Variants in PFKFB2 observed in about 807,000 individuals in gnomAD.
PFKFB2 encodes the protein 6-phosphofructo-2-kinase/fructose-2,6-biphosphatase 2, also known as 6-phosphofructo-2-kinase/fructose-2,6-bisphosphatase 2.
PFKFB2 carries 53 observed loss-of-function variants against 68.0 expected under a neutral mutation model. That is an observed-to-expected ratio of 0.78 (90% CI 0.63 to 0.98). PFKFB2 has a LOEUF of 0.98. Ranked by LOEUF, PFKFB2 falls within the 50% of genes least tolerant of loss-of-function variation. The pLI is 0.00. For missense variants in PFKFB2, 451 were observed against 642.0 expected, an observed-to-expected ratio of 0.70 and a Z score of 3.22; for synonymous variants, 222 against 227.6, an observed-to-expected ratio of 0.98 and a Z score of 0.22.
In PFKFB2 at chr1:207,069,183, A is replaced by C. The variant is rs555258430; in HGVS notation, c.988-241A>C. 3.9e-5 allele frequency among the ~76,000 whole-genome samples: 6 copies of C among 152,058 alleles called. No individual in the cohort carries two copies. In the South Asian group the frequency reaches 8.3e-4, roughly 21 times the overall value. ...TGACCTGTAAGTTCCCCCCAGTAGT[A>C]GGAGAATGTGGTAGCTTGAGCTAGA... On this transcript the variant is annotated intron_variant, in intron 10 of 14. Transcript: ENST00000367080.
At chr1:207,067,475 T>G (rs759496504) in intron 8 of PFKFB2, 24 bp from the exon 9 acceptor site, 4 of 1,556,064 alleles carry the variant, frequency 2.6e-6, no homozygotes, top group East Asian at 2.2e-5. Context: ...CCTAGGGAAT[T>G]TTTTTTTTCC....
intron 1 of PFKFB2, among the ~76,000 whole-genome samples, chr1:207,036,817 C>T (rs1372956783): frequency 6.6e-6 from 1 of 152,186 alleles, no homozygotes; most frequent in South Asian, 2.1e-4. Context: ...TCATTTTGAC[C>T]TTTCTCCTAA....
Position 207,063,888 on chromosome 1 carries a change from GGTGTGT to G in PFKFB2, c.507+82_507+87del, listed in dbSNP as rs57138984. The stretch of plus-strand genomic sequence containing the variant: ...ACCTTTTGTGCTGTGTGTGTTGTGG[GGTGTGT>G]GTGTGTGTGTGTGTGTGTGTGTTGT... On this transcript the variant is annotated intron_variant, in intron 7 of 14. Coordinates refer to ENST00000367080, the MANE Select transcript of PFKFB2 (RefSeq NM_006212.2). The surrounding 1 kb of genome is among the most constrained non-coding windows in gnomAD (Gnocchi z 4.1). The G allele has an allele frequency of 1.2e-4, 122 of 1,015,796 alleles. No individual in the cohort carries two copies. Among genetic ancestry groups the G allele is most frequent in the Admixed American group, 2.5e-4 (14 of 56,200 alleles). The allele number at this position is 1,015,796 out of a possible 1,614,324, so 62.9% of individuals were successfully genotyped here.
rs571265702 is a variant in PFKFB2 at position 207,077,692 on chromosome 1, G to A, written c.*5321G>A. 7.1e-6 allele frequency: 7 copies of A among 985,632 alleles called. No homozygotes were observed. Among genetic ancestry groups the A allele is most frequent in the African/African-American group, 3.5e-5 (2 of 57,312 alleles). The allele number at this position is 985,632 out of a possible 1,614,324, so 61.1% of individuals were successfully genotyped here. ...TCTTTAGCAACATTCTGATTTAATC[G>A]GGTGACACTGATAACAAAGTATGCC... On this transcript the variant is annotated 3_prime_UTR_variant, in exon 15 of 15. Coordinates refer to ENST00000367080, the MANE Select transcript of PFKFB2 (RefSeq NM_006212.2).
At chr1:207,051,196 C>T, upstream of PFKFB2, 2 of 1,342,260 alleles carry the variant, frequency 1.5e-6, no homozygotes, top group Non-Finnish European at 1.9e-6. Context: ...GTCTTGCTAC[C>T]TATAGAGCGA....
chr1:207,072,333 C>G lies in PFKFB2; in HGVS notation c.1480C>G (p.Pro494Ala). Residue 494 changes from proline (P) to alanine (A), a missense_variant, in exon 15 of 15, where the codon CCT (proline) becomes GCT (alanine). Transcript: ENST00000367080. The stretch of plus-strand genomic sequence containing the variant: ...GAGCCGGCCCCTCAAGCCCCTCAGC[C>G]CTCTCCGTGCCCAGGACATGCAAGA... ...VGSRPLKPLS[P>A]LRAQDMQEGA... 2 of 1,614,116 alleles carry G rather than the reference C, an allele frequency of 1.2e-6. No individual in the cohort carries two copies. The highest frequency in any genetic ancestry group is 1.7e-6 in the Non-Finnish European group (2 of 1,179,990).
At chr1:207,052,326 G>A (rs1441070802), upstream of PFKFB2, 9 of 1,115,408 alleles carry the variant, frequency 8.1e-6, no homozygotes, top group African/African-American at 1.2e-4. Flanking sequence ...GATACAGCCT[G>A]GGTTAGGGGG....
At chr1:207,041,656 C>T (rs985548565) in intron 1 of PFKFB2, among the ~76,000 whole-genome samples, 1 of 152,126 alleles carries the variant, frequency 6.6e-6, no homozygotes, top group African/African-American at 2.4e-5. Context: ...GGGTTGGTTC[C>T]AAGTCTTTGC....
At chr1:207,044,779 C>T (rs1682553819) in intron 2 of PFKFB2, 2 of 152,458 alleles carry the variant, frequency 1.3e-5, no homozygotes, top group Admixed American at 1.3e-4. Flanking sequence ...ATTTGACAAT[C>T]TCTTCTTTAT....
chr1:207,067,640 A>G lies in PFKFB2; in HGVS notation c.774A>G (p.Gly258=). The change falls in exon 9 of 15, where the codon GGA becomes GGG. Residue 258 remains glycine (G), a synonymous_variant. Transcript: ENST00000367080. ...QPRTIYLCRH[G]ESEFNLLGKI... ...GCACCATTTACCTTTGCCGGCATGGAGAAAGCGAGTTCAATCTCTTGGGGA... is the reference window on the plus strand; with the variant it reads ...GCACCATTTACCTTTGCCGGCATGGGGAAAGCGAGTTCAATCTCTTGGGGA... The G allele has an allele frequency of 6.2e-7, 1 of 1,613,964 alleles. No individual in the cohort carries two copies.
In PFKFB2 at chr1:207,071,209, G is replaced by A. The variant is rs183914038; in HGVS notation, c.1244G>A (p.Cys415Tyr). The A allele has an allele frequency of 3.3e-5, 54 of 1,613,776 alleles. 2 individuals are homozygous for A. The highest frequency in any genetic ancestry group is 1.1e-5 in the South Asian group (1 of 91,074). ...TCAGATGAGCTACCATACTTGAGAT[G>A]CCCTCTCCATACCATCTTCAAACTT... ...KGADELPYLR[C>Y]PLHTIFKLTP... The change falls in exon 13 of 15, where the codon TGC becomes TAC. Residue 415 changes from cysteine (C) to tyrosine (Y), a missense_variant. By Grantham distance (194) the Cys-to-Tyr change is radical. Coordinates refer to ENST00000367080, the MANE Select transcript of PFKFB2 (RefSeq NM_006212.2).
chr1:207,053,904 ATTTTTTT>A (rs574695365), intron 1 of PFKFB2, among the ~76,000 whole-genome samples: 12 of 97,902 alleles, frequency 1.2e-4, no homozygotes, highest in African/African-American at 3.2e-4. Flanking sequence ...TTCATTTTTC[ATTTTTTT>A]TTTTTTTTTT....
At chr1:207,078,459 T>A (rs556059272), downstream of PFKFB2, among the ~76,000 whole-genome samples, 4 of 152,256 alleles carry the variant, frequency 2.6e-5, no homozygotes, top group Non-Finnish European at 4.4e-5. Flanking sequence ...AGGGGAAAAA[T>A]TTCCCACAAG....
At chr1:207,060,330 A>G (rs12135736) in intron 2 of PFKFB2, among the ~76,000 whole-genome samples, 1 of 152,170 alleles carries the variant, frequency 6.6e-6, no homozygotes, top group Non-Finnish European at 1.5e-5. Flanking sequence ...GCAAATGAGC[A>G]TTCCTGAAGT....
At chr1:207,069,550 A>C (rs1303683005) in intron 11 of PFKFB2, 22 bp downstream of exon 11, 1 of 1,448,204 alleles carries the variant, frequency 6.9e-7, no homozygotes, top group Admixed American at 1.7e-5. Context: ...CTGTCATGTA[A>C]AGTGACTGCC....
chr1:207,063,888 G>GGGGCGTGTGTGTGTGT lies in PFKFB2; in HGVS notation c.507+60_507+61insGGCGTGTGTGTGTGTG. On this transcript the variant is annotated intron_variant, in intron 7 of 14. Coordinates refer to ENST00000367080, the MANE Select transcript of PFKFB2 (RefSeq NM_006212.2). The surrounding 1 kb of genome is among the most constrained non-coding windows in gnomAD (Gnocchi z 4.1). ...ACCTTTTGTGCTGTGTGTGTTGTGG[G>GGGGCGTGTGTGTGTGT]GTGTGTGTGTGTGTGTGTGTGTGTG... 1 of 1,015,394 alleles carries GGGGCGTGTGTGTGTGT rather than the reference G, an allele frequency of 9.8e-7. No homozygotes were observed. Among genetic ancestry groups the GGGGCGTGTGTGTGTGT allele is most frequent in the South Asian group, 1.3e-5 (1 of 77,220 alleles). 62.9% of individuals were successfully genotyped at this position (1,015,394 alleles called of 1,614,324 possible).
Position 207,063,422 on chromosome 1 carries a change from G to A in PFKFB2, c.450+1G>A, listed in dbSNP as rs769173206. On this transcript the variant is annotated splice_donor_variant, in intron 6 of 14. Transcript: ENST00000367080. LOFTEE classifies it high-confidence loss of function. This position sits in a 1 kb window ranked among gnomAD's most constrained non-coding sequence, Gnocchi z 4.1. ...CTTTGCTGAACAGAATTCCTTCAAG[G>A]TAGGATCTGACTCCATGTTGGAGGA... 1.2e-6 allele frequency: 2 copies of A among 1,608,126 alleles called. No homozygotes were observed. The highest frequency in any genetic ancestry group is 8.5e-7 in the Non-Finnish European group (1 of 1,175,238).
chr1:207,076,252 CTTTTTTTTTTTTTT>C lies in PFKFB2; in HGVS notation c.*3884_*3897del. On this transcript the variant is annotated 3_prime_UTR_variant, in exon 15 of 15. Transcript: ENST00000367080. ...AATTCATCTATGTTACTTTTTTTTT[CTTTTTTTTTTTTTT>C]TTATGAGCAGGAGATCTTAATTGAC... The C allele has an allele frequency of 1.1e-6, 1 of 870,304 alleles. No individual in the cohort carries two copies. The highest frequency in any genetic ancestry group is 5.4e-5 in the South Asian group (1 of 18,536). 53.9% of individuals were successfully genotyped at this position (870,304 alleles called of 1,614,324 possible).
chr1:207,037,627 A>ATG, intron 1 of PFKFB2, among the ~76,000 whole-genome samples: 1 of 152,158 alleles, frequency 6.6e-6, no homozygotes, highest in East Asian at 1.9e-4. Flanking sequence ...TATTCTCTCC[A>ATG]AATACTTCCC....
Sources: gnomAD v4.1 joint callset for allele counts (sites outside exome capture counted in the v4.1 genomes callset) on GRCh38, gnomAD v4.1.1 for gene constraint, Gnocchi (gnomAD v3.1) non-coding constraint, MANE v1.5 for transcripts, NCBI Gene and HGNC (gene_info 2026-07-23, HGNC 2026-07-21) for gene names.